ARRDC1: variants seen among roughly 807,000 people sequenced by gnomAD.
ARRDC1 encodes arrestin domain-containing protein 1.
ARRDC1 carries 37 observed loss-of-function variants against 40.1 expected under a neutral mutation model. The observed-to-expected ratio is 0.92, with a 90% CI of 0.71 to 1.21. ARRDC1 has a LOEUF of 1.21. ARRDC1 is among the 50% of genes most tolerant of loss of function. The probability of loss-of-function intolerance (pLI) is 0.00; values close to 1 mark genes in which losing one functional copy is unlikely to be tolerated. For synonymous variants in ARRDC1, 310 were observed against 262.5 expected (o/e 1.18, Z -1.75); for missense variants, 641 against 581.9 (o/e 1.10, Z -1.04).
chr9:137,610,016 G>A (rs369649231), intron 1 of ARRDC1, among the ~76,000 whole-genome samples: 10 of 151,994 alleles, frequency 6.6e-5, no homozygotes, highest in Admixed American at 2.0e-4. Context: ...GGGTTTCACC[G>A]TGTCAGCCAG....
At chr9:137,607,319 AGCCAGTAGGGAG>A (rs1169801221) in intron 1 of ARRDC1, among the ~76,000 whole-genome samples, 2 of 152,140 alleles carry the variant, frequency 1.3e-5, no homozygotes, top group Non-Finnish European at 2.9e-5. Context: ...TCCTGCTAGG[AGCCAGTAGGGAG>A]GCCCTCAGCC....
intron 1 of ARRDC1, among the ~76,000 whole-genome samples, chr9:137,606,994 C>T (rs115287978): frequency 0.013 from 1,953 of 152,080 alleles, 41 homozygotes; most frequent in African/African-American, 0.045. Flanking sequence ...CTCCCCTGGC[C>T]TCCGGGTGGA....
At position 137,613,652 on chromosome 9, in the gene ARRDC1, G is replaced by T. The variant is rs956062054; in HGVS notation, c.318G>T (p.Lys106Asn). Residue 106 changes from lysine to asparagine, a missense_variant, in exon 4 of 8, where the codon AAG becomes AAT. By Grantham distance (94) the Lys-to-Asn change is moderately conservative. Transcript: ENST00000371421. The part of the protein sequence containing the change: ...APTSFEGPFG[K>N]IVHQVRAAIH... ...CGTCCTTTGAGGGTCCTTTCGGGAA[G>T]ATCGTGCACCAGGTGAGGGCCGCCA... 3 of 1,614,078 alleles carry T rather than the reference G, an allele frequency of 1.9e-6. No homozygotes were observed. Among genetic ancestry groups the T allele is most frequent in the Non-Finnish European group, 2.5e-6 (3 of 1,180,034 alleles).
intron 1 of ARRDC1, among the ~76,000 whole-genome samples, chr9:137,609,366 C>T (rs1394712753): frequency 6.6e-6 from 1 of 152,084 alleles, no homozygotes; most frequent in Non-Finnish European, 1.5e-5. Context: ...TCCCGAGTAG[C>T]TGGGACTACA....
intron 1 of ARRDC1, among the ~76,000 whole-genome samples, chr9:137,608,019 G>A (rs1024944789): frequency 2.0e-5 from 3 of 152,160 alleles, no homozygotes; most frequent in Non-Finnish European, 2.9e-5. Flanking sequence ...GTCTCCCTCT[G>A]TCGCCCAGGC....
rs372424462 is a variant in ARRDC1 at position 137,615,049 on chromosome 9, C to A, written c.1238-25C>A. On this transcript the variant is annotated intron_variant, in intron 7 of 7. Transcript: ENST00000371421. ...CAGGGAGGGGACGCCAAGAGCCCCA[C>A]GCAGACCCTGCTTTCTTCCCGCAGA... 25 of 1,609,978 alleles carry A rather than the reference C, an allele frequency of 1.6e-5. 1 individual carries two copies. The East Asian group carries it at 2.2e-4, about 14-fold the overall frequency.
rs1198563600 is a variant in ARRDC1 at position 137,614,361 on chromosome 9, T to C, written c.681T>C (p.Gly227=). 6 of 1,612,556 alleles carry C rather than the reference T, an allele frequency of 3.7e-6. No individual in the cohort carries two copies. The change falls in exon 6 of 8, where the codon GGT becomes GGC. Residue 227 remains glycine, a synonymous_variant. Transcript: ENST00000371421. ...HDVRTIAEVE[G]AGVKAWRRAQ... ...TACGGACCATTGCGGAGGTGGAGGG[T>C]GCGGGCGTCAAGGCCTGGCGGCGGG...
intron 1 of ARRDC1, chr9:137,612,647 T>A (rs1371197568): frequency 4.5e-6 from 2 of 447,232 alleles, no homozygotes; most frequent in African/African-American, 4.0e-5. Context: ...GGGGTCTTTC[T>A]GCTCTGGATT....
chr9:137,605,758 G>T lies in ARRDC1; in HGVS notation c.41G>T (p.Gly14Val). 7.3e-7 allele frequency: 1 copy of T among 1,373,256 alleles called. No homozygotes were observed. The highest frequency in any genetic ancestry group is 9.4e-7 in the Non-Finnish European group (1 of 1,059,962). 85.1% of individuals were successfully genotyped at this position (1,373,256 alleles called of 1,614,324 possible). A position where few individuals can be genotyped will look rare whatever the true frequency, so the allele number is the denominator to read the frequency against. The change falls in exon 1 of 8, where the codon GGC becomes GTC. Residue 14 changes from glycine to valine, a missense_variant. Transcript: ENST00000371421. ...VQLFEISLSH[G>V]RVVYSPGEPL... ...CTCTTCGAGATCAGCCTGAGCCACG[G>T]CCGCGTCGTCTACAGCCCCGGGGAG...
intron 1 of ARRDC1, 82 bp downstream of exon 1, chr9:137,605,917 C>G (rs972012093): frequency 2.2e-6 from 2 of 901,750 alleles, no homozygotes; most frequent in East Asian, 7.3e-5. Flanking sequence ...GTCGCCTGGC[C>G]CCGGGTTGGG....
intron 1 of ARRDC1, among the ~76,000 whole-genome samples, chr9:137,610,209 AAC>A (rs1253881620): frequency 6.6e-6 from 1 of 152,168 alleles, no homozygotes; most frequent in African/African-American, 2.4e-5. Flanking sequence ...CCATTCTTAA[AAC>A]AGTTAACACA....
chr9:137,608,967 G>A lies in ARRDC1; in HGVS notation c.118+3132G>A, dbSNP rs577716506. Among the ~76,000 whole-genome samples, 34 of 152,354 alleles carry A rather than the reference G, an allele frequency of 2.2e-4. No individual in the cohort carries two copies. In the South Asian group the frequency reaches 6.6e-3, roughly 30 times the overall value. Reference sequence around the variant, plus strand: ...ATCACAGAACCTGGACCCTTAGGATGACCCAAGGGTCAGTTGCATACTGTT... The same window carrying A: ...ATCACAGAACCTGGACCCTTAGGATAACCCAAGGGTCAGTTGCATACTGTT... On this transcript the variant is annotated intron_variant, in intron 1 of 7. Coordinates refer to ENST00000371421, the MANE Select transcript of ARRDC1 (RefSeq NM_152285.4).
chr9:137,610,252 G>A (rs1020067521), intron 1 of ARRDC1, among the ~76,000 whole-genome samples: 2 of 152,168 alleles, frequency 1.3e-5, no homozygotes, highest in African/African-American at 2.4e-5. Flanking sequence ...AGCGTTGTGG[G>A]TTAGGAATCT....
intron 1 of ARRDC1, among the ~76,000 whole-genome samples, chr9:137,606,791 G>A (rs1301589943): frequency 6.6e-6 from 1 of 152,188 alleles, no homozygotes. Flanking sequence ...GGCAGGTGTG[G>A]CCGTGGCAGG....
In ARRDC1 at chr9:137,615,082, C is replaced by T; in HGVS notation, c.1246C>T (p.Pro416Ser). 4 of 1,594,944 alleles carry T rather than the reference C, an allele frequency of 2.5e-6. No individual in the cohort carries two copies. The highest frequency in any genetic ancestry group is 3.4e-6 in the Non-Finnish European group (4 of 1,169,566). Reference protein sequence around the residue: ...SSWGYPYEAPPSYEQSCGGVE... With the variant: ...SSWGYPYEAPSSYEQSCGGVE... ...CTGCTTTCTTCCCGCAGAGGCCCCA[C>T]CGTCTTATGAGCAGAGCTGCGGCGG... The change falls in exon 8 of 8, where the codon CCG (proline) becomes TCG (serine). Residue 416 changes from proline to serine, a missense_variant. By Grantham distance (74) the Pro-to-Ser change is moderately conservative. Coordinates refer to ENST00000371421, the MANE Select transcript of ARRDC1 (RefSeq NM_152285.4).
intron 1 of ARRDC1, among the ~76,000 whole-genome samples, chr9:137,606,937 C>T (rs1410379125): frequency 2.0e-5 from 3 of 152,222 alleles, no homozygotes; most frequent in Non-Finnish European, 4.4e-5. Context: ...TTGCTTACCA[C>T]AGGGAAGGGA....
intron 1 of ARRDC1, among the ~76,000 whole-genome samples, chr9:137,610,586 G>A (rs1436198156): frequency 6.7e-6 from 1 of 149,542 alleles, no homozygotes; most frequent in East Asian, 2.0e-4. Context: ...TTTTTGAGAT[G>A]GAGTTTCACT....
chr9:137,605,911 C>T lies in ARRDC1; in HGVS notation c.118+76C>T, dbSNP rs1223267591. 3.1e-6 allele frequency: 3 copies of T among 955,682 alleles called. No homozygotes were observed. The East Asian group carries it at 1.1e-4, about 35-fold the overall frequency. The allele number at this position is 955,682 out of a possible 1,614,324, so 59.2% of individuals were successfully genotyped here. A position where few individuals can be genotyped will look rare whatever the true frequency, so the allele number is the denominator to read the frequency against. ...GGGCTCCCGGAAGCGGCTGCCGTCG[C>T]CTGGCCCCGGGTTGGGCCCGCGGAG... On this transcript the variant is annotated intron_variant, in intron 1 of 7. Transcript: ENST00000371421.
chr9:137,612,538 C>T (rs529070646), intron 1 of ARRDC1: 16 of 277,326 alleles, frequency 5.8e-5, no homozygotes, highest in South Asian at 4.8e-4. Context: ...CTTGGTGTGT[C>T]CCGAGTGTCT....
Sources: gnomAD v4.1 joint callset for allele counts (sites outside exome capture counted in the v4.1 genomes callset) on GRCh38, gnomAD v4.1.1 for gene constraint, MANE v1.5 for transcripts, NCBI Gene and HGNC (gene_info 2026-07-23, HGNC 2026-07-21) for gene names.